The following ACSM6 variants were observed in gnomAD, a reference collection of about 807,000 sequenced individuals.
ACSM6 encodes acyl-coenzyme A synthetase ACSM6, mitochondrial.
A neutral mutation model predicts 51.1 loss-of-function variants in ACSM6; 35 were observed. The observed-to-expected ratio is 0.69, with a 90% CI of 0.52 to 0.91. The LOEUF (loss-of-function observed/expected upper bound fraction) is 0.91, where lower values mean the gene tolerates loss of function less well. ACSM6 is among the 40% of genes least tolerant of loss of function. ACSM6 has a pLI of 0.00. For synonymous variants in ACSM6, 172 were observed against 207.3 expected (o/e 0.83, Z 1.46); for missense variants, 509 against 584.1 (o/e 0.87, Z 1.32).
At chr10:95,201,208 A>G (rs2034790983) in intron 2 of ACSM6, among the ~76,000 whole-genome samples, 1 of 152,214 alleles carries the variant, frequency 6.6e-6, no homozygotes, top group African/African-American at 2.4e-5. Context: ...GTGCATGTGC[A>G]GGTTTGTTGC....
At chr10:95,224,122 A>C (rs867722757) in intron 9 of ACSM6, among the ~76,000 whole-genome samples, 13 of 152,340 alleles carry the variant, frequency 8.5e-5, no homozygotes, top group Middle Eastern at 6.8e-3. Flanking sequence ...ACTTAGTACT[A>C]AATGCCACTT....
At chr10:95,198,008 TC>T (rs1171135064) in intron 2 of ACSM6, among the ~76,000 whole-genome samples, 3 of 152,232 alleles carry the variant, frequency 2.0e-5, no homozygotes, top group Admixed American at 6.5e-5. Context: ...CAACCCTAGA[TC>T]CCTTAAACCT....
chr10:95,202,271 T>C (rs2034802368), intron 3 of ACSM6, 76 bp downstream of exon 3: 1 of 1,262,742 alleles, frequency 7.9e-7, no homozygotes, highest in African/African-American at 1.5e-5. Flanking sequence ...AGAATGGAGA[T>C]GTTAGAGGGA....
intron 6 of ACSM6, 25 bp downstream of exon 6, chr10:95,212,059 T>A (rs778230330): frequency 4.4e-5 from 71 of 1,613,474 alleles, no homozygotes; most frequent in Middle Eastern, 3.3e-4. Context: ...TAGTGTGGAA[T>A]GTGTGGGACA....
chr10:95,222,186 T>A (rs2035000531), intron 9 of ACSM6, among the ~76,000 whole-genome samples: 1 of 152,210 alleles, frequency 6.6e-6, no homozygotes, highest in Non-Finnish European at 1.5e-5. Context: ...ATTATATTTC[T>A]ACATATGGTA....
chr10:95,207,354 A>C, exon 4 of ACSM6: 1 of 1,614,100 alleles, frequency 6.2e-7, no homozygotes, highest in Non-Finnish European at 8.5e-7. Flanking sequence ...CACCTTGAAA[A>C]CCAAGCTCCT....
chr10:95,202,470 G>A (rs1037101441), intron 3 of ACSM6, among the ~76,000 whole-genome samples: 1 of 152,172 alleles, frequency 6.6e-6, no homozygotes, highest in African/African-American at 2.4e-5. Context: ...TTACAGAACT[G>A]TTGTGAAGAG....
chr10:95,199,396 C>G (rs1002428459), intron 2 of ACSM6, among the ~76,000 whole-genome samples: 5 of 152,102 alleles, frequency 3.3e-5, no homozygotes, highest in African/African-American at 9.7e-5. Flanking sequence ...ACCATAAAAA[C>G]CCTAGAAGAA....
chr10:95,212,769 C>A lies in ACSM6; in HGVS notation c.913-89C>A, dbSNP rs1283927233. The A allele has an allele frequency of 3.9e-6, 4 of 1,038,318 alleles. No homozygotes were observed. In the Admixed American group the frequency reaches 5.3e-5, roughly 14 times the overall value. 64.3% of individuals were successfully genotyped at this position (1,038,318 alleles called of 1,614,324 possible). On this transcript the variant is annotated intron_variant, in intron 6 of 10. Coordinates refer to ENST00000341686, the Ensembl canonical transcript of ACSM6. ...GTTTCAAAGTCTGTGACCCTCTTCC[C>A]TGGACTTTCCCGCCTGGACCCCTGC...
intron 9 of ACSM6, among the ~76,000 whole-genome samples, chr10:95,221,643 T>C (rs1002441834): frequency 6.6e-6 from 1 of 151,416 alleles, no homozygotes; most frequent in Non-Finnish European, 1.5e-5. Context: ...TTAGAAAAAA[T>C]GGATAAAGTC....
rs748978922 is a variant in ACSM6, at chr10:95,214,834, C to G, written c.996-18C>G. ...AAATATTCCCTGAGGCTAAGAACAA[C>G]TTTTGATGCCTCTCCAGCTACAGAT... On this transcript the variant is annotated intron_variant, in intron 7 of 10. Transcript: ENST00000341686. 4.5e-6 allele frequency: 7 copies of G among 1,549,852 alleles called. No homozygotes were observed. The highest frequency in any genetic ancestry group is 3.5e-6 in the Non-Finnish European group (4 of 1,146,434).
chr10:95,209,190 C>G (rs988442649), intron 4 of ACSM6, among the ~76,000 whole-genome samples: 2 of 152,022 alleles, frequency 1.3e-5, no homozygotes, highest in Non-Finnish European at 2.9e-5. Context: ...ACAGAGCTAG[C>G]CTTTGGAAGC....
chr10:95,217,356 A>G (rs1355017435), intron 8 of ACSM6, among the ~76,000 whole-genome samples: 1 of 148,346 alleles, frequency 6.7e-6, no homozygotes, highest in East Asian at 1.9e-4. Flanking sequence ...CAAAAAAAAA[A>G]AAGAAAAAGA....
chr10:95,197,374 T>C (rs2133368334), intron 2 of ACSM6, among the ~76,000 whole-genome samples: 1 of 152,266 alleles, frequency 6.6e-6, no homozygotes, highest in African/African-American at 2.4e-5. Flanking sequence ...TCAGTTTTTA[T>C]TGATTATTAT....
At chr10:95,215,590 GC>G (rs957802084) in intron 8 of ACSM6, among the ~76,000 whole-genome samples, 5 of 152,290 alleles carry the variant, frequency 3.3e-5, no homozygotes, top group African/African-American at 1.2e-4. Context: ...AAGAAACTAA[GC>G]TGATCAGAGA....
Position 95,201,985 on chromosome 10 carries a change from GACGGA to G in ACSM6, c.194_198del (p.Asp65AlafsTer12), listed in dbSNP as rs1244006443. The G allele has an allele frequency of 1.3e-6, 2 of 1,551,448 alleles. No homozygotes were observed. Among genetic ancestry groups the G allele is most frequent in the East Asian group, 4.9e-5 (2 of 40,910 alleles). On this transcript the variant is annotated frameshift_variant and splice_region_variant, in exon 3 of 11. Coordinates refer to ENST00000341686, the Ensembl canonical transcript of ACSM6. LOFTEE classifies it high-confidence loss of function. ...ATATTTTAAACATCACCCTGCCTAG[GACGGA>G]CTCAGAGGGCCTTACCCCGCCCTCT...
At chr10:95,200,565 G>GAAGAGA (rs1385526331) in intron 2 of ACSM6, among the ~76,000 whole-genome samples, 1 of 147,620 alleles carries the variant, frequency 6.8e-6, no homozygotes, top group Non-Finnish European at 1.5e-5. Flanking sequence ...GAAAGAAGAG[G>GAAGAGA]AAGAGGAAGA....
intron 9 of ACSM6, among the ~76,000 whole-genome samples, chr10:95,222,532 A>G (rs113273705): frequency 6.6e-6 from 1 of 151,978 alleles, no homozygotes; most frequent in Non-Finnish European, 1.5e-5. Context: ...CTGAGGCAGG[A>G]GAATCACTTG....
At chr10:95,196,154 C>T in intron 2 of ACSM6, among the ~76,000 whole-genome samples, 1 of 152,234 alleles carries the variant, frequency 6.6e-6, no homozygotes, top group East Asian at 1.9e-4. Context: ...TTTGTGCCCG[C>T]ATGGCATCTG....
Sources: allele counts gnomAD v4.1 joint callset (sites outside exome capture counted in the v4.1 genomes callset), GRCh38; gene constraint gnomAD v4.1.1; transcripts MANE v1.5; gene names NCBI Gene and HGNC (gene_info 2026-07-23, HGNC 2026-07-21).